Variants in CLSTN1 observed in about 807,000 individuals in gnomAD.
CLSTN1 encodes the protein calsyntenin-1.
CLSTN1 carries 28 observed loss-of-function variants against 108.3 expected under a neutral mutation model. The ratio of observed to expected loss-of-function variants is 0.26; its 90% CI spans 0.19 to 0.35. The LOEUF (loss-of-function observed/expected upper bound fraction) is 0.35. Ranked by LOEUF, CLSTN1 falls within the 10% of genes least tolerant of loss-of-function variation. The pLI is 1.00. For synonymous variants in CLSTN1, 524 were observed against 534.9 expected, an observed-to-expected ratio of 0.98 and a Z score of 0.28; for missense variants, 1,157 against 1,302.6, an observed-to-expected ratio of 0.89 and a Z score of 1.72.
In CLSTN1 at chr1:9,751,636, G is replaced by A. The variant is rs768442190; in HGVS notation, c.486C>T (p.Pro162=). 1.3e-5 allele frequency: 21 copies of A among 1,613,984 alleles called. No individual in the cohort carries two copies. Among genetic ancestry groups the A allele is most frequent in the South Asian group, 5.5e-5 (5 of 91,084 alleles). ...CTTTGTAGGACTTCTCCTTGAACAC[G>A]GGCGCGTACTCATTCACGTCGTTCA... is the stretch of plus-strand genomic sequence containing the variant. ...IQVNDVNEYA[P]VFKEKSYKAT... is the part of the protein sequence containing the mutation. Residue 162 remains proline, a synonymous_variant, in exon 5 of 19, where the codon CCC becomes CCT. Coordinates refer to ENST00000377298, the MANE Select transcript of CLSTN1 (RefSeq NM_001009566.3).
intron 1 of CLSTN1, among the ~76,000 whole-genome samples, chr1:9,809,779 T>C (rs1654651346): frequency 6.6e-6 from 1 of 151,420 alleles, no homozygotes; most frequent in South Asian, 2.1e-4. Flanking sequence ...TGGGTGCCTA[T>C]AATCCCAGCT....
chr1:9,780,568 A>C (rs1224874779), intron 1 of CLSTN1, among the ~76,000 whole-genome samples: 3 of 152,218 alleles, frequency 2.0e-5, no homozygotes, highest in African/African-American at 7.2e-5. Flanking sequence ...TGGCAGTAGA[A>C]TGAGATCTGG....
At chr1:9,766,673 T>C (rs1233661705) in intron 2 of CLSTN1, among the ~76,000 whole-genome samples, 1 of 152,112 alleles carries the variant, frequency 6.6e-6, no homozygotes, top group Non-Finnish European at 1.5e-5. Context: ...AATAAATAGA[T>C]AAATAATAAA....
intron 1 of CLSTN1, among the ~76,000 whole-genome samples, chr1:9,814,533 A>G (rs556794985): frequency 6.6e-6 from 1 of 152,398 alleles, no homozygotes; most frequent in African/African-American, 2.4e-5. Flanking sequence ...GAATAGTTAA[A>G]TAAAATCAAA....
rs1465398532 is a variant in CLSTN1, at chr1:9,757,185, G to C, written c.215-675C>G. On this transcript the variant is annotated intron_variant, in intron 2 of 18. Transcript: ENST00000377298. Reference sequence around the variant, plus strand: ...TTTCCAACCTAAATTCTCTCAGCTAGATTCTGGTAACATTCAACTCATCAG... The same window carrying C: ...TTTCCAACCTAAATTCTCTCAGCTACATTCTGGTAACATTCAACTCATCAG... Among the ~76,000 whole-genome samples the C allele has an allele frequency of 3.3e-5, 5 of 151,608 alleles. 1 individual carries two copies. The highest frequency in any genetic ancestry group is 2.9e-5 in the Non-Finnish European group (2 of 67,910).
At chr1:9,743,551 T>A (rs1249424214) in intron 9 of CLSTN1, among the ~76,000 whole-genome samples, 2 of 152,126 alleles carry the variant, frequency 1.3e-5, no homozygotes, top group Non-Finnish European at 2.9e-5. Context: ...ATGACAGTGT[T>A]TTTCTTTTTC....
chr1:9,808,469 C>T lies in CLSTN1; in HGVS notation c.91+15174G>A, dbSNP rs545725424. Among the ~76,000 whole-genome samples, 41 of 152,294 alleles carry T rather than the reference C, an allele frequency of 2.7e-4. No homozygotes were observed. The South Asian group carries it at 7.7e-3, about 28-fold the overall frequency. On this transcript the variant is annotated intron_variant, in intron 1 of 18. Coordinates refer to ENST00000377298, the MANE Select transcript of CLSTN1 (RefSeq NM_001009566.3). ...ATAACAAATTTCCACGGGGAAGATACAATTTGGGTTCCAACTTGAACTCCA... is the reference window on the plus strand; with the variant it reads ...ATAACAAATTTCCACGGGGAAGATATAATTTGGGTTCCAACTTGAACTCCA...
intron 2 of CLSTN1, among the ~76,000 whole-genome samples, chr1:9,770,265 T>TA (rs1181961784): frequency 5.3e-5 from 8 of 151,940 alleles, no homozygotes; most frequent in East Asian, 1.9e-4. Flanking sequence ...TGTACATCAG[T>TA]AAAAAAAACC....
intron 1 of CLSTN1, among the ~76,000 whole-genome samples, chr1:9,787,528 C>T (rs937447439): frequency 6.6e-5 from 10 of 150,646 alleles, no homozygotes; most frequent in Non-Finnish European, 1.2e-4. Flanking sequence ...CTCAGCCTCC[C>T]GGGTAGCTGG....
chr1:9,749,673 G>C (rs768263504), intron 6 of CLSTN1, 27 bp from the exon 7 acceptor site: 1 of 1,611,764 alleles, frequency 6.2e-7, no homozygotes, highest in Admixed American at 1.7e-5. Context: ...GTCAGCAGGG[G>C]AAGAGAGAAG....
At chr1:9,821,776 T>C (rs1655199691) in intron 1 of CLSTN1, among the ~76,000 whole-genome samples, 1 of 152,220 alleles carries the variant, frequency 6.6e-6, no homozygotes, top group Non-Finnish European at 1.5e-5. Flanking sequence ...TTTTCTAACT[T>C]GCAACCTGAA....
intron 2 of CLSTN1, among the ~76,000 whole-genome samples, chr1:9,767,376 C>T (rs180774049): frequency 6.6e-6 from 1 of 152,130 alleles, no homozygotes; most frequent in East Asian, 1.9e-4. Flanking sequence ...AACCCCGTCT[C>T]TAATAAAAAT....
At chr1:9,807,294 GA>G (rs1654549615) in intron 1 of CLSTN1, among the ~76,000 whole-genome samples, 1 of 152,016 alleles carries the variant, frequency 6.6e-6, no homozygotes, top group Non-Finnish European at 1.5e-5. Flanking sequence ...GTTTCAAGGG[GA>G]AGCCTGCAGT....
At chr1:9,760,093 G>A (rs1286050893) in intron 2 of CLSTN1, among the ~76,000 whole-genome samples, 1 of 151,798 alleles carries the variant, frequency 6.6e-6, no homozygotes, top group African/African-American at 2.4e-5. Context: ...TTTAGAGACA[G>A]GGTTTCCCTC....
At position 9,773,305 on chromosome 1, in the gene CLSTN1, C is replaced by G. The variant is rs1257860388; in HGVS notation, c.181G>C (p.Ala61Pro). The change falls in exon 2 of 19, where the codon GCG (alanine) becomes CCG (proline). Residue 61 changes from alanine (A) to proline (P), a missense_variant. Transcript: ENST00000377298. ...NTVLLDPPLI[A>P]LDKDAPLRFA... is the part of the protein sequence containing the mutation. ...CGCAGAGGCGCATCTTTATCCAGCGCGATCAGTGGGGGGTCGAGGAGCACG... is the reference window on the plus strand; with the variant it reads ...CGCAGAGGCGCATCTTTATCCAGCGGGATCAGTGGGGGGTCGAGGAGCACG... 2 of 1,614,068 alleles carry G rather than the reference C, an allele frequency of 1.2e-6. No homozygotes were observed. Among genetic ancestry groups the G allele is most frequent in the Non-Finnish European group, 8.5e-7 (1 of 1,179,994 alleles).
intron 2 of CLSTN1, among the ~76,000 whole-genome samples, chr1:9,766,608 C>T (rs1429946200): frequency 6.6e-6 from 1 of 152,024 alleles, no homozygotes; most frequent in Non-Finnish European, 1.5e-5. Context: ...TGCAGTGAGC[C>T]GAGATCGCGC....
rs765947736 is a variant in CLSTN1 at position 9,755,188 on chromosome 1, T to C, written c.366A>G (p.Lys122=). The part of the protein sequence containing the change: ...SKEKLDCELQ[K]DYSFTIQAYD... ...AGGCCTGGATGGTGAATGAATAGTCTTTCTGCAGCTCACAGTCCAGTTTCT... is the reference window on the plus strand; with the variant it reads ...AGGCCTGGATGGTGAATGAATAGTCCTTCTGCAGCTCACAGTCCAGTTTCT... The change falls in exon 4 of 19, where the codon AAA becomes AAG. Residue 122 remains lysine (K), a synonymous_variant. Transcript: ENST00000377298. 5.0e-6 allele frequency: 8 copies of C among 1,614,090 alleles called. No individual in the cohort carries two copies. The Admixed American group carries it at 1.3e-4, about 27-fold the overall frequency.
chr1:9,797,493 TA>T (rs1164904379), intron 1 of CLSTN1, among the ~76,000 whole-genome samples: 3 of 152,158 alleles, frequency 2.0e-5, no homozygotes, highest in African/African-American at 4.8e-5. Context: ...TTTTTAAAAT[TA>T]GCCTGGCGTG....
chr1:9,769,903 T>G lies in CLSTN1; in HGVS notation c.214+3369A>C, dbSNP rs146714907. Among the ~76,000 whole-genome samples, 1,389 of 152,010 alleles carry G rather than the reference T, an allele frequency of 9.1e-3. 15 individuals carry two copies. Among genetic ancestry groups the G allele is most frequent in the East Asian group, 0.043 (221 of 5,172 alleles). ...AAATTAGCCGGGCGCGGTGGCGGAC[T>G]CCTGTAGTCCCAGCTAATCGGGAGG... On this transcript the variant is annotated intron_variant, in intron 2 of 18. Coordinates refer to ENST00000377298, the MANE Select transcript of CLSTN1 (RefSeq NM_001009566.3).
Sources: gnomAD v4.1 joint callset for allele counts (sites outside exome capture counted in the v4.1 genomes callset) on GRCh38, gnomAD v4.1.1 for gene constraint, MANE v1.5 for transcripts, NCBI Gene and HGNC (gene_info 2026-07-23, HGNC 2026-07-21) for gene names.